ZHX2: variants seen among roughly 807,000 people sequenced by gnomAD.
ZHX2 encodes zinc fingers and homeoboxes 2, also known as zinc fingers and homeoboxes protein 2.
In ZHX2, 6 loss-of-function variants were observed where a neutral mutation model predicts 21.9. The ratio of observed to expected loss-of-function variants is 0.27; its 90% CI spans 0.15 to 0.54. The LOEUF is 0.54. Among genes scored for constraint, ZHX2 ranks in the 20% least tolerant of loss-of-function variants. The pLI, the probability that ZHX2 is intolerant of heterozygous loss-of-function variation, is 0.95. For synonymous variants in ZHX2, 434 were observed against 437.1 expected, an observed-to-expected ratio of 0.99 and a Z score of 0.09; for missense variants, 908 against 1,090.7, an observed-to-expected ratio of 0.83 and a Z score of 2.36.
At chr8:122,937,122 C>T (rs1022606466) in intron 2 of ZHX2, among the ~76,000 whole-genome samples, 23 of 152,220 alleles carry the variant, frequency 1.5e-4, no homozygotes, top group Admixed American at 4.6e-4. Flanking sequence ...TGCATCCAAC[C>T]GGGGAGGCCC....
At chr8:122,913,909 T>C (rs374008907) in intron 2 of ZHX2, among the ~76,000 whole-genome samples, 1 of 152,172 alleles carries the variant, frequency 6.6e-6, no homozygotes, top group African/African-American at 2.4e-5. Flanking sequence ...GGTGAATCCA[T>C]CCTATAACAA....
chr8:122,959,294 G>T (rs1231598243), intron 3 of ZHX2, among the ~76,000 whole-genome samples: 1 of 152,192 alleles, frequency 6.6e-6, no homozygotes, highest in Non-Finnish European at 1.5e-5. Context: ...TTTTAAGGCT[G>T]CTAAGCATTG....
At chr8:122,925,076 G>T (rs1160828352) in intron 2 of ZHX2, among the ~76,000 whole-genome samples, 2 of 152,176 alleles carry the variant, frequency 1.3e-5, no homozygotes, top group Non-Finnish European at 2.9e-5. Context: ...AAGCTTACTA[G>T]TTGGCTATAC....
intron 2 of ZHX2, among the ~76,000 whole-genome samples, chr8:122,889,603 A>G (rs940563555): frequency 3.9e-5 from 6 of 152,134 alleles, no homozygotes; most frequent in African/African-American, 1.2e-4. Flanking sequence ...AATTTCTTGT[A>G]TATGCTCAAT....
intron 2 of ZHX2, among the ~76,000 whole-genome samples, chr8:122,931,744 T>C (rs1160607632): frequency 6.6e-6 from 1 of 152,184 alleles, no homozygotes; most frequent in Non-Finnish European, 1.5e-5. Flanking sequence ...ATGTAACTGG[T>C]CTAGGATGTG....
intron 1 of ZHX2, among the ~76,000 whole-genome samples, chr8:122,840,845 C>A (rs997418065): frequency 6.6e-6 from 1 of 152,178 alleles, no homozygotes; most frequent in Admixed American, 6.5e-5. Context: ...AAGAGCAAGA[C>A]CCTGAAATCC....
At position 122,968,970 on chromosome 8, in the gene ZHX2, C is replaced by A. The variant is rs546425674; in HGVS notation, c.*5-4272C>A. The stretch of plus-strand genomic sequence containing the variant: ...GGCCAAGAGTTCGAGACCAGCCTGG[C>A]GAACATAGTGAAATCCCACCTGTAC... On this transcript the variant is annotated intron_variant, in intron 3 of 3. Coordinates refer to ENST00000314393, the MANE Select transcript of ZHX2 (RefSeq NM_014943.5). 1.9e-4 allele frequency among the ~76,000 whole-genome samples: 29 copies of A among 152,136 alleles called. No homozygotes were observed. In the East Asian group the frequency reaches 5.4e-3, roughly 28 times the overall value.
chr8:122,913,286 A>G (rs1820523503), intron 2 of ZHX2, among the ~76,000 whole-genome samples: 1 of 152,254 alleles, frequency 6.6e-6, no homozygotes, highest in Non-Finnish European at 1.5e-5. Context: ...CTGTTAATGA[A>G]CATTTCCACT....
intron 2 of ZHX2, among the ~76,000 whole-genome samples, chr8:122,940,124 G>C (rs1394275112): frequency 6.6e-6 from 1 of 152,170 alleles, no homozygotes; most frequent in Non-Finnish European, 1.5e-5. Flanking sequence ...TGTGAGATGG[G>C]CACTAAGGCT....
chr8:122,821,544 A>G (rs905720376), intron 1 of ZHX2, among the ~76,000 whole-genome samples: 7 of 152,204 alleles, frequency 4.6e-5, no homozygotes, highest in Admixed American at 1.3e-4. Flanking sequence ...AAAAAAAAAA[A>G]AAAGGAGCAC....
rs1310384341 is a variant in ZHX2, at chr8:122,901,168, A to G, written c.-220+37629A>G. Reference sequence around the variant, plus strand: ...GTATTTGTCTAGAGCGCAACTCATAATGGTGCTGTATAAATGATGGAAGTT... The same window carrying G: ...GTATTTGTCTAGAGCGCAACTCATAGTGGTGCTGTATAAATGATGGAAGTT... On this transcript the variant is annotated intron_variant, in intron 2 of 3. Coordinates refer to ENST00000314393, the MANE Select transcript of ZHX2 (RefSeq NM_014943.5). Among the ~76,000 whole-genome samples the G allele has an allele frequency of 3.3e-5, 5 of 152,204 alleles. No individual in the cohort carries two copies. The East Asian group carries it at 7.7e-4, about 23-fold the overall frequency.
At chr8:122,809,403 G>C (rs1158301155) in intron 1 of ZHX2, among the ~76,000 whole-genome samples, 1 of 152,206 alleles carries the variant, frequency 6.6e-6, no homozygotes, top group African/African-American at 2.4e-5. Flanking sequence ...GGGAGGCTGA[G>C]GCAGGAGAGT....
intron 1 of ZHX2, among the ~76,000 whole-genome samples, chr8:122,851,056 C>G (rs1475631376): frequency 6.6e-6 from 1 of 152,168 alleles, no homozygotes; most frequent in Admixed American, 6.5e-5. Context: ...ACTGCACTAG[C>G]TGCTCACATG....
chr8:122,924,772 C>T (rs1820813789), intron 2 of ZHX2, among the ~76,000 whole-genome samples: 1 of 152,172 alleles, frequency 6.6e-6, no homozygotes, highest in Non-Finnish European at 1.5e-5. Context: ...TATCTGGTGA[C>T]CAGACAGAGA....
intron 1 of ZHX2, among the ~76,000 whole-genome samples, chr8:122,797,719 C>CA (rs912777777): frequency 5.3e-5 from 8 of 149,938 alleles, no homozygotes; most frequent in Admixed American, 2.7e-4. Flanking sequence ...CCCAGACATT[C>CA]AAAAAAAAAA....
intron 2 of ZHX2, among the ~76,000 whole-genome samples, chr8:122,930,758 G>A (rs1820968970): frequency 6.6e-6 from 1 of 151,836 alleles, no homozygotes; most frequent in Non-Finnish European, 1.5e-5. Flanking sequence ...CCAAAGTGCT[G>A]GGAATACAGG....
intron 2 of ZHX2, among the ~76,000 whole-genome samples, chr8:122,864,642 C>G (rs186319835): frequency 2.0e-5 from 3 of 152,128 alleles, no homozygotes; most frequent in Non-Finnish European, 4.4e-5. Flanking sequence ...ACCCACCCCC[C>G]CACTCCCCAG....
intron 1 of ZHX2, among the ~76,000 whole-genome samples, chr8:122,798,415 G>A (rs1003898089): frequency 5.9e-5 from 9 of 152,126 alleles, no homozygotes; most frequent in African/African-American, 2.2e-4. Flanking sequence ...GCAGAATGTT[G>A]ATCTCACATC....
At chr8:122,803,972 T>C (rs1346193903) in intron 1 of ZHX2, among the ~76,000 whole-genome samples, 3 of 152,104 alleles carry the variant, frequency 2.0e-5, no homozygotes, top group African/African-American at 7.2e-5. Context: ...GATCAGTACG[T>C]AGAATAGTGC....
Sources: allele counts gnomAD v4.1 joint callset (sites outside exome capture counted in the v4.1 genomes callset), GRCh38; gene constraint gnomAD v4.1.1; transcripts MANE v1.5; gene names NCBI Gene and HGNC (gene_info 2026-07-23, HGNC 2026-07-21).